The following THADA variants were observed in gnomAD, a reference collection of about 807,000 sequenced individuals.
The protein encoded by THADA is THADA armadillo repeat containing, also known as tRNA (32-2'-O)-methyltransferase regulator THADA.
Under a neutral mutation model 219.8 loss-of-function variants are expected in THADA, and 213 were observed. That is an observed-to-expected ratio of 0.97 (90% CI 0.87 to 1.09). The LOEUF is 1.09. Among genes scored for constraint, THADA ranks in the 50% least tolerant of loss-of-function variants. The probability of loss-of-function intolerance (pLI) is 0.00; values close to 1 mark genes in which losing one functional copy is unlikely to be tolerated. For synonymous variants in THADA, 1,018 were observed against 828.9 expected, an observed-to-expected ratio of 1.23 and a Z score of -3.92; for missense variants, 2,956 against 2,311.3, an observed-to-expected ratio of 1.28 and a Z score of -5.72.
At chr2:43,273,095 C>T (rs1672309823) in intron 36 of THADA, among the ~76,000 whole-genome samples, 1 of 151,726 alleles carries the variant, frequency 6.6e-6, no homozygotes, top group South Asian at 2.1e-4. Context: ...CTAAAAATAC[C>T]AAAATAAGCC....
chr2:43,446,278 T>C (rs1681533485), intron 26 of THADA, among the ~76,000 whole-genome samples: 3 of 152,246 alleles, frequency 2.0e-5, no homozygotes, highest in African/African-American at 4.8e-5. Flanking sequence ...GTTCCTTATA[T>C]GTAAGTGCCT....
chr2:43,299,593 C>T (rs542425554), intron 31 of THADA, among the ~76,000 whole-genome samples: 3 of 152,120 alleles, frequency 2.0e-5, no homozygotes, highest in East Asian at 1.9e-4. Context: ...ACCCAAGAGG[C>T]GGAGTTTGCA....
In THADA at chr2:43,362,689, T is replaced by G. The variant is rs376372164; in HGVS notation, c.4228-18452A>C. Among the ~76,000 whole-genome samples the G allele has an allele frequency of 7.9e-5, 12 of 152,260 alleles. No individual in the cohort carries two copies. In the East Asian group the frequency reaches 1.7e-3, roughly 22 times the overall value. ...ATACTTAGGCTACACTAAATGTATT[T>G]TAAAAATTTTCTTCAATAATACATT... On this transcript the variant is annotated intron_variant, in intron 29 of 37. Coordinates refer to ENST00000405975, the MANE Select transcript of THADA (RefSeq NM_022065.5).
In THADA at chr2:43,298,039, C is replaced by G. The variant is rs1335067685; in HGVS notation, c.4439-4826G>C. On this transcript the variant is annotated intron_variant, in intron 31 of 37. Transcript: ENST00000405975. ...CCCCGGCCCGGCCAGCCGCCCCGGC[C>G]GCCCCTACTGGGAAGTGAGGAGCCC... 1.8e-5 allele frequency among the ~76,000 whole-genome samples: 2 copies of G among 113,200 alleles called. 1 individual carries two copies. The allele number at this position is 113,200 out of a possible 152,430, so 74.3% of individuals were successfully genotyped here. A position where few individuals can be genotyped will look rare whatever the true frequency, so the allele number is the denominator to read the frequency against.
chr2:43,344,875 T>C (rs1194955128), intron 29 of THADA, among the ~76,000 whole-genome samples: 1 of 152,182 alleles, frequency 6.6e-6, no homozygotes, highest in Non-Finnish European at 1.5e-5. Flanking sequence ...TATGCACGTA[T>C]GTATGTACTG....
intron 8 of THADA, among the ~76,000 whole-genome samples, chr2:43,580,644 G>A (rs1700332443): frequency 6.6e-6 from 1 of 151,936 alleles, no homozygotes; most frequent in Admixed American, 6.6e-5. Flanking sequence ...GGAGGCCAAG[G>A]CGGGCAGATC....
chr2:43,335,335 A>T lies in THADA; in HGVS notation c.4343+8787T>A, dbSNP rs539595202. The stretch of plus-strand genomic sequence containing the variant: ...AGGTGCCGGGAGCTAAGCCCTCAAC[A>T]AATGATAGTAGTTGTCAGGTAGGAT... On this transcript the variant is annotated intron_variant, in intron 30 of 37. Transcript: ENST00000405975. 1.1e-4 allele frequency among the ~76,000 whole-genome samples: 17 copies of T among 152,304 alleles called. No homozygotes were observed. The South Asian group carries it at 3.5e-3, about 32-fold the overall frequency.
At chr2:43,335,418 G>A (rs535847664) in intron 30 of THADA, among the ~76,000 whole-genome samples, 113 of 152,278 alleles carry the variant, frequency 7.4e-4, no homozygotes, top group African/African-American at 2.6e-3. Flanking sequence ...GTGGGCTGTA[G>A]TACTCCACAT....
chr2:43,500,915 T>C (rs1441987949), intron 24 of THADA, among the ~76,000 whole-genome samples: 2 of 152,296 alleles, frequency 1.3e-5, no homozygotes, highest in African/African-American at 4.8e-5. Flanking sequence ...ATTAACTGCA[T>C]TCTTCTCAAA....
intron 11 of THADA, 61 bp from the exon 12 acceptor site, chr2:43,573,053 T>C: frequency 3.1e-6 from 4 of 1,301,188 alleles, no homozygotes; most frequent in Non-Finnish European, 4.1e-6. Flanking sequence ...AATTATCAGC[T>C]GCTAATTTTC....
At position 43,382,675 on chromosome 2, in the gene THADA, T is replaced by C. The variant is rs565732997; in HGVS notation, c.4227+15296A>G. ...AAAAGCATAACAATCATAAAGATTCTAGCCACTTCATGGATACTGCTTCTA... is the reference window on the plus strand; with the variant it reads ...AAAAGCATAACAATCATAAAGATTCCAGCCACTTCATGGATACTGCTTCTA... On this transcript the variant is annotated intron_variant, in intron 29 of 37. Coordinates refer to ENST00000405975, the MANE Select transcript of THADA (RefSeq NM_022065.5). Among the ~76,000 whole-genome samples, 5 of 152,308 alleles carry C rather than the reference T, an allele frequency of 3.3e-5. No homozygotes were observed. In the East Asian group the frequency reaches 7.7e-4, roughly 23 times the overall value.
chr2:43,487,162 C>T (rs1197258607), intron 25 of THADA, among the ~76,000 whole-genome samples: 1 of 152,172 alleles, frequency 6.6e-6, no homozygotes, highest in Admixed American at 6.5e-5. Context: ...AATCTCTGCC[C>T]TCATTCAGGT....
intron 29 of THADA, among the ~76,000 whole-genome samples, chr2:43,362,223 A>G (rs1022541946): frequency 2.6e-5 from 4 of 152,180 alleles, no homozygotes; most frequent in Non-Finnish European, 5.9e-5. Flanking sequence ...CACAAAATAG[A>G]TATCTGGATG....
intron 21 of THADA, among the ~76,000 whole-genome samples, chr2:43,530,267 T>C (rs1490860329): frequency 6.6e-6 from 1 of 152,214 alleles, no homozygotes; most frequent in Non-Finnish European, 1.5e-5. Flanking sequence ...AAAGACCACA[T>C]ACTACCAGTT....
intron 9 of THADA, among the ~76,000 whole-genome samples, chr2:43,578,199 C>T (rs933193918): frequency 2.0e-5 from 3 of 151,268 alleles, no homozygotes; most frequent in Non-Finnish European, 4.4e-5. Flanking sequence ...GTTGCCCAGA[C>T]TGGTGCAATC....
At chr2:43,573,858 A>C (rs1036263400) in intron 11 of THADA, among the ~76,000 whole-genome samples, 4 of 152,144 alleles carry the variant, frequency 2.6e-5, no homozygotes, top group African/African-American at 9.7e-5. Flanking sequence ...GTTTACCCCT[A>C]TTCTAAATAA....
In THADA at chr2:43,581,814, C is replaced by A; in HGVS notation, c.648G>T (p.Trp216Cys). 6.2e-7 allele frequency: 1 copy of A among 1,612,746 alleles called. No homozygotes were observed. The highest frequency in any genetic ancestry group is 8.5e-7 in the Non-Finnish European group (1 of 1,179,628). The change falls in exon 8 of 38, where the codon TGG (tryptophan) becomes TGT (cysteine). Residue 216 changes from tryptophan to cysteine, a missense_variant. Physicochemically the swap from Trp to Cys is radical, Grantham distance 215. Transcript: ENST00000405975. Reference protein sequence around the residue: ...QKVQDFQGNLWKTSDSPIWQN... With the variant: ...QKVQDFQGNLCKTSDSPIWQN... ...GCCATATGGGAGAATCGGAAGTCTT[C>A]CAAAGATTTCCCTGGAAATCTTGTA...
chr2:43,416,709 T>C (rs1403887161), intron 28 of THADA, among the ~76,000 whole-genome samples: 1 of 152,168 alleles, frequency 6.6e-6, no homozygotes, highest in Non-Finnish European at 1.5e-5. Context: ...AACCTTTGGA[T>C]AATTATGAAA....
At chr2:43,327,924 T>G (rs1679524165) in intron 30 of THADA, among the ~76,000 whole-genome samples, 1 of 152,222 alleles carries the variant, frequency 6.6e-6, no homozygotes, top group African/African-American at 2.4e-5. Context: ...TGGCCATCTT[T>G]GTAGTCTTGA....
Sources: gnomAD v4.1 joint callset for allele counts (sites outside exome capture counted in the v4.1 genomes callset) on GRCh38, gnomAD v4.1.1 for gene constraint, MANE v1.5 for transcripts, NCBI Gene and HGNC (gene_info 2026-07-23, HGNC 2026-07-21) for gene names.